Variants in METTL14 observed in about 807,000 individuals in gnomAD.
The protein encoded by METTL14 is N(6)-adenosine-methyltransferase non-catalytic subunit METTL14.
A neutral mutation model predicts 62.4 loss-of-function variants in METTL14; 32 were observed. The observed-to-expected ratio is 0.51, with a 90% CI of 0.39 to 0.69. The LOEUF (loss-of-function observed/expected upper bound fraction) is 0.69, where lower values mean the gene tolerates loss of function less well. Ranked by LOEUF, METTL14 falls within the 30% of genes least tolerant of loss-of-function variation. The pLI, the probability that METTL14 is intolerant of heterozygous loss-of-function variation, is 0.00. For missense variants in METTL14, 340 were observed against 551.9 expected (o/e 0.62, Z 3.85); for synonymous variants, 150 against 180.0 (o/e 0.83, Z 1.34).
intron 10 of METTL14, among the ~76,000 whole-genome samples, 178 bp downstream of exon 10, chr4:118,705,999 C>G (rs1724745115): frequency 6.6e-6 from 1 of 152,166 alleles, no homozygotes; most frequent in African/African-American, 2.4e-5. Context: ...GAGACTTTTC[C>G]ATATACCTGC....
chr4:118,700,419 T>C (rs965827879), intron 7 of METTL14, 131 bp from the exon 8 acceptor site: 33 of 647,844 alleles, frequency 5.1e-5, no homozygotes, highest in Non-Finnish European at 8.6e-5. Context: ...TTATTTTCTG[T>C]TAGTTCCTAA....
chr4:118,702,502 G>A (rs1276636114), intron 8 of METTL14, among the ~76,000 whole-genome samples: 2 of 152,100 alleles, frequency 1.3e-5, no homozygotes, highest in Non-Finnish European at 2.9e-5. Context: ...TCTGCTGGGC[G>A]CAGTGGCTCA....
In METTL14 at chr4:118,713,379, T is replaced by C. The variant is rs1306262982; in HGVS notation, c.*3077T>C. 6 of 152,234 alleles carry C rather than the reference T, an allele frequency of 3.9e-5. No homozygotes were observed. The East Asian group carries it at 1.2e-3, about 29-fold the overall frequency. The allele number at this position is 152,234 out of a possible 1,614,324, so 9.4% of individuals were successfully genotyped here. On this transcript the variant is annotated 3_prime_UTR_variant, in exon 11 of 11. Transcript: ENST00000388822. ...CTTTTAAAATACTTTCTACCCATCTTAATTGCTAAATTATCTTTCAGTTAG... is the reference window on the plus strand; with the variant it reads ...CTTTTAAAATACTTTCTACCCATCTCAATTGCTAAATTATCTTTCAGTTAG...
At chr4:118,685,698 C>A in intron 1 of METTL14, 98 bp downstream of exon 1, 1 of 1,042,576 alleles carries the variant, frequency 9.6e-7, no homozygotes, top group Non-Finnish European at 1.5e-6. Flanking sequence ...CCTTCTCTAC[C>A]TGCCGCTGTT....
At chr4:118,687,527 C>G (rs112969776) in intron 1 of METTL14, among the ~76,000 whole-genome samples, 2 of 152,270 alleles carry the variant, frequency 1.3e-5, no homozygotes, top group African/African-American at 4.8e-5. Context: ...TGCTCATTGA[C>G]TTACGGTGGA....
chr4:118,705,319 T>A lies in METTL14; in HGVS notation c.856-292T>A, dbSNP rs888623796. Among the ~76,000 whole-genome samples, 10 of 151,746 alleles carry A rather than the reference T, an allele frequency of 6.6e-5. No homozygotes were observed. The East Asian group carries it at 1.7e-3, about 26-fold the overall frequency. Reference sequence around the variant, plus strand: ...GCGAGACCCTGTCTTTACAAAAAATTTAAAAATCAGCCAGGTGTGGTGGTG... The same window carrying A: ...GCGAGACCCTGTCTTTACAAAAAATATAAAAATCAGCCAGGTGTGGTGGTG... On this transcript the variant is annotated intron_variant, in intron 9 of 10. Transcript: ENST00000388822.
chr4:118,690,088 T>A (rs1489044879), intron 3 of METTL14, among the ~76,000 whole-genome samples: 2 of 132,026 alleles, frequency 1.5e-5, no homozygotes, highest in African/African-American at 5.4e-5. Flanking sequence ...TCGCCCAGGC[T>A]GGAGTGCAGT....
chr4:118,694,580 G>A (rs1724350124), intron 6 of METTL14, 54 bp downstream of exon 6: 4 of 1,330,122 alleles, frequency 3.0e-6, no homozygotes, highest in Non-Finnish European at 4.3e-6. Context: ...TAAAGTATCA[G>A]TTTGTTTATC....
intron 5 of METTL14, among the ~76,000 whole-genome samples, 157 bp downstream of exon 5, chr4:118,692,225 TC>T (rs1724271010): frequency 7.4e-6 from 1 of 135,976 alleles, no homozygotes; most frequent in African/African-American, 2.7e-5. Flanking sequence ...TCTTTTCTTT[TC>T]TTTTTTTTTT....
intron 10 of METTL14, among the ~76,000 whole-genome samples, chr4:118,708,506 C>T (rs1465161506): frequency 7.2e-5 from 11 of 152,198 alleles, no homozygotes; most frequent in Middle Eastern, 3.4e-3. Context: ...TGGTATCTGC[C>T]AGGTAATACA....
chr4:118,706,578 C>T (rs1724761383), intron 10 of METTL14, among the ~76,000 whole-genome samples: 1 of 152,226 alleles, frequency 6.6e-6, no homozygotes, highest in Admixed American at 6.5e-5. Flanking sequence ...CGTAAGTTTT[C>T]AGCTCCTTTG....
chr4:118,694,356 TG>T, intron 5 of METTL14, 79 bp from the exon 6 acceptor site: 1 of 1,052,310 alleles, frequency 9.5e-7, no homozygotes, highest in South Asian at 1.5e-5. Context: ...TTTGTTTTCT[TG>T]GGAGGGCTCA....
rs1724968261 is a variant in METTL14 at position 118,712,982 on chromosome 4, A to C, written c.*2680A>C. 6.6e-6 allele frequency: 1 copy of C among 152,180 alleles called. No individual in the cohort carries two copies. The highest frequency in any genetic ancestry group is 2.1e-4 in the South Asian group (1 of 4,830). The allele number at this position is 152,180 out of a possible 1,614,324, so 9.4% of individuals were successfully genotyped here. On this transcript the variant is annotated 3_prime_UTR_variant, in exon 11 of 11. Transcript: ENST00000388822. ...GGTGTGGAATACCATACCTAAACAC[A>C]AATGAATCAGATTAGACCACAGAAT...
intron 2 of METTL14, among the ~76,000 whole-genome samples, chr4:118,688,413 G>C (rs1724142384): frequency 6.7e-6 from 1 of 148,264 alleles, no homozygotes; most frequent in African/African-American, 2.5e-5. Flanking sequence ...CTGCACTGCA[G>C]CCTGGGAGAC....
intron 6 of METTL14, 25 bp downstream of exon 6, chr4:118,694,551 TTTATTCCCAACTCAGGCTTAAAGTATCAG>T: frequency 1.3e-6 from 2 of 1,534,154 alleles, no homozygotes; most frequent in Non-Finnish European, 1.8e-6. Flanking sequence ...TCAATTACTG[TTTATTCCCAACTCAGGCTTAAAGTATCAG>T]TTTGTTTATC....
At chr4:118,707,079 T>C (rs1724776712) in intron 10 of METTL14, among the ~76,000 whole-genome samples, 1 of 152,206 alleles carries the variant, frequency 6.6e-6, no homozygotes, top group Admixed American at 6.5e-5. Flanking sequence ...TACTTTCTGC[T>C]TTTTTATTTT....
chr4:118,703,715 A>G (rs912719852), intron 8 of METTL14, among the ~76,000 whole-genome samples: 1 of 152,206 alleles, frequency 6.6e-6, no homozygotes, highest in Admixed American at 6.5e-5. Context: ...TATATATATG[A>G]CATTGATATC....
At chr4:118,709,466 G>A (rs747529124) in intron 10 of METTL14, among the ~76,000 whole-genome samples, 15 of 147,538 alleles carry the variant, frequency 1.0e-4, no homozygotes, top group Non-Finnish European at 2.0e-4. Context: ...TATATGGTAG[G>A]GTATTGACCT....
intron 9 of METTL14, 92 bp from the exon 10 acceptor site, chr4:118,705,519 G>A: frequency 1.0e-6 from 1 of 991,636 alleles, no homozygotes; most frequent in South Asian, 1.4e-5. Context: ...GAGAAATGAG[G>A]ATTGTTTTAG....
Sources: gnomAD v4.1 joint callset for allele counts (sites outside exome capture counted in the v4.1 genomes callset) on GRCh38, gnomAD v4.1.1 for gene constraint, MANE v1.5 for transcripts, NCBI Gene and HGNC (gene_info 2026-07-23, HGNC 2026-07-21) for gene names.